AOPEP: variants seen among roughly 807,000 people sequenced by gnomAD.
The protein encoded by AOPEP is aminopeptidase O (putative).
AOPEP carries 77 observed loss-of-function variants against 98.1 expected under a neutral mutation model. That is an observed-to-expected ratio of 0.78 (90% CI 0.65 to 0.95). The LOEUF is 0.95. Among genes scored for constraint, AOPEP ranks in the 40% least tolerant of loss-of-function variants. The pLI, the probability that AOPEP is intolerant of heterozygous loss-of-function variation, is 0.00. For missense variants in AOPEP, 1,024 were observed against 1,024.7 expected, an observed-to-expected ratio of 1.00 and a Z score of 0.01; for synonymous variants, 346 against 365.3, an observed-to-expected ratio of 0.95 and a Z score of 0.60.
At chr9:94,886,537 AT>A (rs754105387) in intron 5 of AOPEP, among the ~76,000 whole-genome samples, 4 of 152,124 alleles carry the variant, frequency 2.6e-5, no homozygotes, top group African/African-American at 7.2e-5. Context: ...CTCACTATGA[AT>A]TTTTTTCTTT....
intron 14 of AOPEP, among the ~76,000 whole-genome samples, chr9:95,063,491 G>A (rs931977660): frequency 6.6e-6 from 1 of 152,138 alleles, no homozygotes; most frequent in South Asian, 2.1e-4. Context: ...TCCACTGAGC[G>A]CTTTCAGATC....
intron 2 of AOPEP, among the ~76,000 whole-genome samples, chr9:94,768,495 TCC>T (rs1348605888): frequency 3.9e-5 from 6 of 152,252 alleles, no homozygotes; most frequent in Non-Finnish European, 7.3e-5. Flanking sequence ...AACACGTTAG[TCC>T]TAGCTGACCT....
intron 11 of AOPEP, among the ~76,000 whole-genome samples, chr9:94,985,292 T>G (rs1028405648): frequency 4.6e-5 from 7 of 152,382 alleles, no homozygotes; most frequent in Admixed American, 3.9e-4. Flanking sequence ...GCCACTTCTT[T>G]CCGAGCAAAC....
chr9:94,816,341 C>T (rs959907379), intron 5 of AOPEP, among the ~76,000 whole-genome samples: 4 of 152,078 alleles, frequency 2.6e-5, no homozygotes, highest in African/African-American at 7.2e-5. Context: ...AACATGTGGA[C>T]GAGGTAATAT....
At chr9:94,829,900 C>A (rs768194615) in intron 5 of AOPEP, among the ~76,000 whole-genome samples, 3 of 152,154 alleles carry the variant, frequency 2.0e-5, no homozygotes, top group Non-Finnish European at 4.4e-5. Context: ...GAAGGAGAAA[C>A]ACAATGACAT....
At position 94,876,368 on chromosome 9, in the gene AOPEP, CT is replaced by C. The variant is rs566693216; in HGVS notation, c.1365-47604del. Among the ~76,000 whole-genome samples, 697 of 140,504 alleles carry C rather than the reference CT, an allele frequency of 5.0e-3. 7 individuals carry two copies. The highest frequency in any genetic ancestry group is 0.026 in the Admixed American group (366 of 14,076). The allele number at this position is 140,504 out of a possible 152,430, so 92.2% of individuals were successfully genotyped here. ...CATCAGTTGCTTTTTCTTTTCTTTT[CT>C]TTTTTTTTTTTTTGGAGATGGAGTC... On this transcript the variant is annotated intron_variant, in intron 5 of 16. Transcript: ENST00000375315.
chr9:94,833,659 C>T (rs1159690130), intron 5 of AOPEP, among the ~76,000 whole-genome samples: 1 of 152,120 alleles, frequency 6.6e-6, no homozygotes, highest in African/African-American at 2.4e-5. Context: ...AATAAGATAA[C>T]TGCAATGGTT....
At chr9:95,088,507 C>CCTCTCTCT (rs59531935), downstream of AOPEP, among the ~76,000 whole-genome samples, 1 of 148,970 alleles carries the variant, frequency 6.7e-6, no homozygotes, top group Non-Finnish European at 1.5e-5. Context: ...CTGTACCCGG[C>CCTCTCTCT]CTCTCTCTCT....
intron 5 of AOPEP, among the ~76,000 whole-genome samples, chr9:94,895,232 AAT>A (rs1389936542): frequency 4.0e-5 from 1 of 25,020 alleles, no homozygotes; most frequent in Non-Finnish European, 1.5e-4. Context: ...AAAAAAATAA[AAT>A]AAAATAAAAA....
At chr9:95,047,303 T>C (rs1051352431) in intron 13 of AOPEP, among the ~76,000 whole-genome samples, 1 of 152,240 alleles carries the variant, frequency 6.6e-6, no homozygotes, top group Non-Finnish European at 1.5e-5. Flanking sequence ...ATTCAGTAGT[T>C]CATTGCCTGA....
intron 10 of AOPEP, among the ~76,000 whole-genome samples, chr9:94,977,031 G>A (rs12338668): frequency 0.047 from 7,217 of 152,222 alleles, 245 homozygotes; most frequent in South Asian, 0.11. Flanking sequence ...AAGGAGCTTT[G>A]GGCTCAGGGT....
intron 13 of AOPEP, among the ~76,000 whole-genome samples, chr9:95,025,559 A>G (rs1165010208): frequency 1.3e-5 from 2 of 152,230 alleles, no homozygotes; most frequent in African/African-American, 4.8e-5. Flanking sequence ...GTTGGGAGAA[A>G]AGGTGCAAGA....
intron 7 of AOPEP, among the ~76,000 whole-genome samples, chr9:94,937,031 G>C (rs1361570275): frequency 6.6e-6 from 1 of 152,172 alleles, no homozygotes; most frequent in African/African-American, 2.4e-5. Flanking sequence ...GTTTATGGAG[G>C]CTTCGTTATA....
In AOPEP at chr9:95,005,537, C is replaced by T. The variant is rs767069329; in HGVS notation, c.2041-5C>T. The T allele has an allele frequency of 6.2e-6, 10 of 1,613,554 alleles. No homozygotes were observed. The highest frequency in any genetic ancestry group is 4.5e-5 in the East Asian group (2 of 44,856). Reference sequence around the variant, plus strand: ...CTTTGAAATGCTGTGGTTTTTGAACCTCAGGTCACGAAATGGATTGGAGTG... The same window carrying T: ...CTTTGAAATGCTGTGGTTTTTGAACTTCAGGTCACGAAATGGATTGGAGTG... On this transcript the variant is annotated splice_polypyrimidine_tract_variant and splice_region_variant and intron_variant, in intron 12 of 16. Transcript: ENST00000375315.
intron 10 of AOPEP, among the ~76,000 whole-genome samples, chr9:94,977,900 CT>C (rs1823820123): frequency 6.6e-6 from 1 of 152,216 alleles, no homozygotes; most frequent in Non-Finnish European, 1.5e-5. Flanking sequence ...CATAAGCCCT[CT>C]TTCCCTCCAT....
At chr9:94,939,189 A>C (rs910581301) in intron 7 of AOPEP, among the ~76,000 whole-genome samples, 2 of 151,332 alleles carry the variant, frequency 1.3e-5, no homozygotes, top group Non-Finnish European at 2.9e-5. Context: ...TGGAGGTTGC[A>C]GTGAGCCGAG....
At chr9:94,738,117 G>A (rs916286591) in intron 1 of AOPEP, among the ~76,000 whole-genome samples, 2 of 152,180 alleles carry the variant, frequency 1.3e-5, no homozygotes, top group African/African-American at 2.4e-5. Flanking sequence ...TAATGCAATA[G>A]TGTACTTCAT....
chr9:94,882,548 G>A (rs564932223), intron 5 of AOPEP, among the ~76,000 whole-genome samples: 3 of 152,244 alleles, frequency 2.0e-5, no homozygotes, highest in Non-Finnish European at 4.4e-5. Flanking sequence ...GGCCAAGGCA[G>A]GTGGATCACT....
the AOPEP span, among the ~76,000 whole-genome samples, chr9:95,103,184 G>T: frequency 1.3e-5 from 2 of 152,114 alleles, no homozygotes; most frequent in African/African-American, 4.8e-5. Context: ...ATGCTGATGG[G>T]CTTGGCCATG....
Sources: gnomAD v4.1 joint callset for allele counts (sites outside exome capture counted in the v4.1 genomes callset) on GRCh38, gnomAD v4.1.1 for gene constraint, MANE v1.5 for transcripts, NCBI Gene and HGNC (gene_info 2026-07-23, HGNC 2026-07-21) for gene names.